BICRAL: variants seen among roughly 807,000 people sequenced by gnomAD.
The protein encoded by BICRAL is BICRA like chromatin remodeling complex associated protein.
Under a neutral mutation model 91.8 loss-of-function variants are expected in BICRAL, and 8 were observed. The observed-to-expected ratio is 0.09, with a 90% confidence interval of 0.05 to 0.16. The LOEUF is 0.16. Among genes scored for constraint, BICRAL ranks in the 10% least tolerant of loss-of-function variants. BICRAL has a pLI of 1.00. For synonymous variants in BICRAL, 445 were observed against 491.1 expected (o/e 0.91, Z 1.24); for missense variants, 1,038 against 1,310.9 (o/e 0.79, Z 3.21).
intron 6 of BICRAL, among the ~76,000 whole-genome samples, chr6:42,836,206 TTTA>T: frequency 6.6e-6 from 1 of 152,224 alleles, no homozygotes; most frequent in Non-Finnish European, 1.5e-5. Flanking sequence ...ATTGATCAGC[TTTA>T]TGTTTATTAT....
chr6:42,837,141 T>A (rs1386599044), intron 6 of BICRAL, among the ~76,000 whole-genome samples: 2 of 150,546 alleles, frequency 1.3e-5, no homozygotes, highest in Non-Finnish European at 3.0e-5. Context: ...GAGACAGAGT[T>A]TTGCCATTTT....
chr6:42,787,630 T>C (rs981680764), intron 1 of BICRAL, among the ~76,000 whole-genome samples: 5 of 152,164 alleles, frequency 3.3e-5, no homozygotes, highest in Admixed American at 2.0e-4. Context: ...TATTTTATTA[T>C]TTTCAAGAAA....
chr6:42,758,712 CAAAAA>C (rs71758339), intron 1 of BICRAL, among the ~76,000 whole-genome samples: 1 of 103,604 alleles, frequency 9.7e-6, no homozygotes. Context: ...TCGGGGGGTC[CAAAAA>C]AAAAAAAAAA....
intron 1 of BICRAL, among the ~76,000 whole-genome samples, chr6:42,802,106 T>C (rs984418940): frequency 1.2e-4 from 18 of 152,034 alleles, no homozygotes; most frequent in African/African-American, 4.1e-4. Flanking sequence ...GAGCAATCCC[T>C]TCTGTATGAA....
chr6:42,764,531 C>G (rs1384462651), intron 1 of BICRAL, among the ~76,000 whole-genome samples: 1 of 148,750 alleles, frequency 6.7e-6, no homozygotes, highest in Non-Finnish European at 1.5e-5. Context: ...GAGTAAGACT[C>G]TGTCTTAAAA....
Position 42,828,944 on chromosome 6 carries a change from G to A in BICRAL, c.611G>A (p.Ser204Asn). The change falls in exon 6 of 13, where the codon AGC becomes AAC. Residue 204 changes from serine (S) to asparagine (N), a missense_variant. By Grantham distance (46) the Ser-to-Asn change is conservative. Around this residue, in one of 5 missense-constraint regions of BICRAL, gnomAD observed 532 missense variants for 724.9 expected, o/e 0.73. Transcript: ENST00000314073. Reference protein sequence around the residue: ...ISVPSQHLSNSSQISGSGQIQ... With the variant: ...ISVPSQHLSNNSQISGSGQIQ... Reference sequence around the variant, plus strand: ...GTTCCCAGCCAGCATTTGTCTAATAGCAGTCAGATTAGTGGTTCTGGTCAA... The same window carrying A: ...GTTCCCAGCCAGCATTTGTCTAATAACAGTCAGATTAGTGGTTCTGGTCAA... The A allele has an allele frequency of 6.2e-7, 1 of 1,614,126 alleles. No homozygotes were observed. Among genetic ancestry groups the A allele is most frequent in the Non-Finnish European group, 8.5e-7 (1 of 1,179,980 alleles).
chr6:42,857,320 A>AC (rs1765397535), intron 10 of BICRAL, 84 bp downstream of exon 10: 1 of 1,082,156 alleles, frequency 9.2e-7, no homozygotes. Flanking sequence ...GAGCCACATC[A>AC]CCCCCAGATG....
intron 1 of BICRAL, among the ~76,000 whole-genome samples, chr6:42,761,536 T>C (rs1762549961): frequency 6.6e-6 from 1 of 152,224 alleles, no homozygotes; most frequent in Non-Finnish European, 1.5e-5. Context: ...GCTTGGTTTC[T>C]TTCAACTACA....
At chr6:42,795,625 T>C (rs909456776) in intron 1 of BICRAL, among the ~76,000 whole-genome samples, 1 of 152,214 alleles carries the variant, frequency 6.6e-6, no homozygotes, top group African/African-American at 2.4e-5. Context: ...CATAAGAGGC[T>C]GTGAAAGTCA....
intron 6 of BICRAL, among the ~76,000 whole-genome samples, chr6:42,848,502 G>C (rs764857039): frequency 3.3e-5 from 5 of 152,182 alleles, no homozygotes; most frequent in Non-Finnish European, 5.9e-5. Context: ...CTTTTATATT[G>C]TAAAATAGAA....
rs1765716628 is a variant in BICRAL, at chr6:42,866,646, G to C, written c.*1200G>C. Reference sequence around the variant, plus strand: ...GTAACCAGCTAGCCCACCACTGAAAGGAAAGATCTGAGACATGGGATTCCC... The same window carrying C: ...GTAACCAGCTAGCCCACCACTGAAACGAAAGATCTGAGACATGGGATTCCC... On this transcript the variant is annotated 3_prime_UTR_variant, in exon 13 of 13. Transcript: ENST00000314073. 1 of 358,352 alleles carries C rather than the reference G, an allele frequency of 2.8e-6. No homozygotes were observed. The highest frequency in any genetic ancestry group is 2.1e-5 in the African/African-American group (1 of 46,860). 22.2% of individuals were successfully genotyped at this position (358,352 alleles called of 1,614,324 possible). A position where few individuals can be genotyped will look rare whatever the true frequency, so the allele number is the denominator to read the frequency against.
At chr6:42,851,917 T>C (rs781325698) in intron 6 of BICRAL, among the ~76,000 whole-genome samples, 175 bp from the exon 7 acceptor site, 1 of 152,216 alleles carries the variant, frequency 6.6e-6, no homozygotes, top group African/African-American at 2.4e-5. Flanking sequence ...TGTTAAAGGA[T>C]GTACTTTGCA....
Position 42,829,416 on chromosome 6 carries a change from G to C in BICRAL, c.1083G>C (p.Val361=). The C allele has an allele frequency of 6.2e-7, 1 of 1,614,174 alleles. No homozygotes were observed. The highest frequency in any genetic ancestry group is 2.2e-5 in the East Asian group (1 of 44,886). ...QGSVVGPHMS[V]NIVNQQNTRK... is the part of the protein sequence containing the mutation. ...CAGTAGTTGGTCCACACATGTCTGT[G>C]AACATTGTAAACCAACAGAACACAA... The change falls in exon 6 of 13, where the codon GTG becomes GTC. Residue 361 remains valine (V), a synonymous_variant. Transcript: ENST00000314073.
intron 6 of BICRAL, among the ~76,000 whole-genome samples, chr6:42,833,087 G>A (rs576867138): frequency 1.0e-3 from 152 of 147,130 alleles, no homozygotes; most frequent in Non-Finnish European, 2.0e-3. Context: ...ATGGAGTCTC[G>A]CTCTGTTGCC....
chr6:42,863,799 G>A (rs149711797), intron 12 of BICRAL, among the ~76,000 whole-genome samples: 2 of 152,154 alleles, frequency 1.3e-5, no homozygotes, highest in East Asian at 1.9e-4. Flanking sequence ...AGGCCAAGGC[G>A]GGTGGATCAC....
chr6:42,865,736 ATTTGT>A lies in BICRAL; in HGVS notation c.*299_*303del, dbSNP rs1426526826. On this transcript the variant is annotated 3_prime_UTR_variant, in exon 13 of 13. Coordinates refer to ENST00000314073, the MANE Select transcript of BICRAL (RefSeq NM_001393499.1). ...GAAAGTGCTTATAGGCATTTTGTTT[ATTTGT>A]TTTGTTTTTTAAAAACACTGTAACT... is the stretch of plus-strand genomic sequence containing the variant. 21 of 325,846 alleles carry A rather than the reference ATTTGT, an allele frequency of 6.4e-5. No homozygotes were observed. The highest frequency in any genetic ancestry group is 1.7e-3 in the Middle Eastern group (2 of 1,162). The allele number at this position is 325,846 out of a possible 1,614,324, so 20.2% of individuals were successfully genotyped here.
upstream of BICRAL, among the ~76,000 whole-genome samples, chr6:42,746,786 G>A (rs1762283525): frequency 6.6e-6 from 1 of 152,130 alleles, no homozygotes; most frequent in African/African-American, 2.4e-5. Flanking sequence ...CAGTTACTAG[G>A]GCAGGAGAAG....
intron 1 of BICRAL, among the ~76,000 whole-genome samples, chr6:42,752,142 T>C (rs1183570888): frequency 6.6e-6 from 1 of 152,212 alleles, no homozygotes; most frequent in African/African-American, 2.4e-5. Context: ...AGGTGACAGT[T>C]GTGCAGGCAG....
chr6:42,779,850 G>T (rs929274604), upstream of BICRAL, among the ~76,000 whole-genome samples: 1 of 152,004 alleles, frequency 6.6e-6, no homozygotes, highest in African/African-American at 2.4e-5. Context: ...TGAACTCCTG[G>T]CCTCAAGCTA....
Sources: gnomAD v4.1 joint callset for allele counts (sites outside exome capture counted in the v4.1 genomes callset) on GRCh38, gnomAD v4.1.1 for gene constraint, gnomAD v4.1.1 regional missense constraint, MANE v1.5 for transcripts, NCBI Gene and HGNC (gene_info 2026-07-23, HGNC 2026-07-21) for gene names.